Variants in CCDC187 observed in about 807,000 individuals in gnomAD.
The protein encoded by CCDC187 is coiled-coil domain containing 187, also known as coiled-coil domain-containing protein 187.
A neutral mutation model predicts 38.0 loss-of-function variants in CCDC187; 32 were observed. The observed-to-expected ratio is 0.84, with a 90% CI of 0.64 to 1.13. The LOEUF (loss-of-function observed/expected upper bound fraction) is 1.13. CCDC187 is among the 50% of genes most tolerant of loss of function. CCDC187 has a pLI of 0.00. For synonymous variants in CCDC187, 333 were observed against 347.9 expected, an observed-to-expected ratio of 0.96 and a Z score of 0.48; for missense variants, 707 against 786.8, an observed-to-expected ratio of 0.90 and a Z score of 1.21.
upstream of CCDC187, among the ~76,000 whole-genome samples, chr9:136,305,216 G>A (rs1331093935): frequency 1.3e-5 from 2 of 152,236 alleles, no homozygotes; most frequent in East Asian, 3.8e-4. Flanking sequence ...CCCTCCTAGC[G>A]CCAGGGCATG....
intron 7 of CCDC187, among the ~76,000 whole-genome samples, chr9:136,288,777 C>A (rs1279521691): frequency 6.6e-6 from 1 of 152,210 alleles, no homozygotes; most frequent in Non-Finnish European, 1.5e-5. Context: ...AAAACAGAAA[C>A]ACAGAAAAGA....
intron 10 of CCDC187, among the ~76,000 whole-genome samples, chr9:136,277,739 G>A (rs1410281000): frequency 6.6e-6 from 1 of 152,174 alleles, no homozygotes; most frequent in Non-Finnish European, 1.5e-5. Context: ...CACAGAGGCT[G>A]CCACCAGGAG....
chr9:136,285,422 G>A (rs1831152367), intron 9 of CCDC187, 91 bp downstream of exon 9: 2 of 273,426 alleles, frequency 7.3e-6, no homozygotes, highest in African/African-American at 2.9e-5. Flanking sequence ...CGTGAGCGTG[G>A]GCGGGCAGGT....
chr9:136,302,693 C>T lies in CCDC187; in HGVS notation c.625+119G>A, dbSNP rs959377656. ...ACTCCTAATCCCCACCCTGGGGGCA[C>T]GCTGCATACACCCGGCTGGCCCCCA... On this transcript the variant is annotated intron_variant, in intron 2 of 25. Transcript: ENST00000638797. 8.3e-5 allele frequency: 33 copies of T among 397,930 alleles called. No homozygotes were observed. The East Asian group carries it at 9.3e-4, about 11-fold the overall frequency. The allele number at this position is 397,930 out of a possible 1,614,324, so 24.6% of individuals were successfully genotyped here. A position where few individuals can be genotyped will look rare whatever the true frequency, so the allele number is the denominator to read the frequency against.
rs1830592427 is a variant in CCDC187 at position 136,254,739 on chromosome 9, C to G, written c.5089G>C (p.Gly1697Arg). 1.0e-6 allele frequency: 1 copy of G among 985,482 alleles called. No individual in the cohort carries two copies. The highest frequency in any genetic ancestry group is 1.2e-6 in the Non-Finnish European group (1 of 830,042). The allele number at this position is 985,482 out of a possible 1,614,324, so 61.0% of individuals were successfully genotyped here. A position where few individuals can be genotyped will look rare whatever the true frequency, so the allele number is the denominator to read the frequency against. ...QGEPRPGSAP[G>R]GGGWVTWQRP... ...TGCCAGGTCACCCATCCTCCACCCC[C>G]AGGAGCACTGCCTGGCCGAGGCTCA... The change falls in exon 26 of 26, where the codon GGG becomes CGG. Residue 1697 changes from glycine to arginine, a missense_variant. Transcript: ENST00000638797.
At chr9:136,302,156 C>G (rs1831701910) in intron 2 of CCDC187, among the ~76,000 whole-genome samples, 1 of 151,978 alleles carries the variant, frequency 6.6e-6, no homozygotes, top group African/African-American at 2.4e-5. Flanking sequence ...GCACCATACT[C>G]CAGCCTGGGT....
intron 4 of CCDC187, among the ~76,000 whole-genome samples, chr9:136,293,125 A>T (rs1831377827): frequency 7.5e-6 from 1 of 132,602 alleles, no homozygotes; most frequent in Non-Finnish European, 1.5e-5. Flanking sequence ...ACACTCACAA[A>T]CACTCACATG....
chr9:136,260,344 C>G, intron 19 of CCDC187, 80 bp from the exon 20 acceptor site: 3 of 972,520 alleles, frequency 3.1e-6, no homozygotes, highest in Non-Finnish European at 3.7e-6. Context: ...ACAACCTCCA[C>G]CAGCACCCTC....
chr9:136,289,518 C>CA (rs878962393), intron 7 of CCDC187, among the ~76,000 whole-genome samples: 1,193 of 67,018 alleles, frequency 0.018, 30 homozygotes, highest in African/African-American at 0.054. Context: ...AACTCCATCT[C>CA]AAAAAAAAAA....
At chr9:136,298,878 A>G (rs2131353789) in intron 3 of CCDC187, among the ~76,000 whole-genome samples, 1 of 152,372 alleles carries the variant, frequency 6.6e-6, no homozygotes, top group South Asian at 2.1e-4. Flanking sequence ...ATGGCTGCAC[A>G]GTGCTATGAA....
At chr9:136,284,432 C>T (rs1025713208) in intron 9 of CCDC187, among the ~76,000 whole-genome samples, 2 of 152,206 alleles carry the variant, frequency 1.3e-5, no homozygotes, top group Non-Finnish European at 2.9e-5. Flanking sequence ...TCCTGCTTGC[C>T]CCGCCCGTGG....
At chr9:136,306,431 G>A (rs1436693522), upstream of CCDC187, among the ~76,000 whole-genome samples, 2 of 152,218 alleles carry the variant, frequency 1.3e-5, no homozygotes, top group African/African-American at 2.4e-5. Flanking sequence ...GTCCCCTGGG[G>A]GCAGGAAGTA....
intron 25 of CCDC187, 150 bp downstream of exon 25, chr9:136,255,507 G>T: frequency 5.2e-6 from 1 of 192,422 alleles, no homozygotes. Context: ...CTGTGATGGG[G>T]AGGTGCGTGG....
chr9:136,281,448 C>T (rs1831038996), intron 10 of CCDC187, 103 bp downstream of exon 10: 2 of 398,414 alleles, frequency 5.0e-6, no homozygotes, highest in East Asian at 3.6e-5. Context: ...TTTCTCTACC[C>T]CGTAGGGCCA....
Position 136,286,284 on chromosome 9 carries a change from G to A in CCDC187, c.2634C>T (p.Pro878=), listed in dbSNP as rs1352168361. The A allele has an allele frequency of 5.0e-6, 2 of 398,548 alleles. No homozygotes were observed. Among genetic ancestry groups the A allele is most frequent in the Non-Finnish European group, 8.8e-6 (2 of 226,114 alleles). The allele number at this position is 398,548 out of a possible 1,614,324, so 24.7% of individuals were successfully genotyped here. ...SLPAAPTLAT[P]TLATPACPGA... ...CAGGGCAGGCTGGGGTGGCAAGCGTGGGGGTGGCGAGCGTGGGGGCGGCAG... is the reference window on the plus strand; with the variant it reads ...CAGGGCAGGCTGGGGTGGCAAGCGTAGGGGTGGCGAGCGTGGGGGCGGCAG... The change falls in exon 8 of 26, where the codon CCC becomes CCT. Residue 878 remains proline (P), a synonymous_variant. Coordinates refer to ENST00000638797, the MANE Select transcript of CCDC187 (RefSeq NM_001378188.1).
intron 3 of CCDC187, among the ~76,000 whole-genome samples, chr9:136,299,421 T>C (rs963022963): frequency 2.0e-5 from 3 of 152,172 alleles, no homozygotes; most frequent in African/African-American, 7.2e-5. Context: ...AAAACGCACA[T>C]GATTCCCTGT....
rs1432468694 is a variant in CCDC187 at position 136,258,200 on chromosome 9, C to T, written c.4366+732G>A. On this transcript the variant is annotated intron_variant, in intron 22 of 25. Coordinates refer to ENST00000638797, the MANE Select transcript of CCDC187 (RefSeq NM_001378188.1). The surrounding 1 kb of genome is among the most constrained non-coding windows in gnomAD (Gnocchi z 4.3). ...TGTCACTGGCCTCTCCAGGGAGCCC[C>T]ACCAGCCACGCTCTCCTGGGCAGCC... Among the ~76,000 whole-genome samples, 1 of 152,218 alleles carries T rather than the reference C, an allele frequency of 6.6e-6. No homozygotes were observed. The highest frequency in any genetic ancestry group is 1.5e-5 in the Non-Finnish European group (1 of 68,022).
chr9:136,303,487 T>C (rs1416538875), intron 1 of CCDC187, among the ~76,000 whole-genome samples, 194 bp from the exon 2 acceptor site: 1 of 152,032 alleles, frequency 6.6e-6, no homozygotes, highest in Non-Finnish European at 1.5e-5. Flanking sequence ...CCCTCTGAGG[T>C]AGGTAATGTG....
chr9:136,275,451 C>T (rs951580055), intron 12 of CCDC187, among the ~76,000 whole-genome samples: 1 of 150,468 alleles, frequency 6.6e-6, no homozygotes, highest in African/African-American at 2.4e-5. Context: ...CCCACACACA[C>T]ACACGTGCAC....
Sources: gnomAD v4.1 joint callset for allele counts (sites outside exome capture counted in the v4.1 genomes callset) on GRCh38, gnomAD v4.1.1 for gene constraint, Gnocchi (gnomAD v3.1) non-coding constraint, MANE v1.5 for transcripts, NCBI Gene and HGNC (gene_info 2026-07-23, HGNC 2026-07-21) for gene names.